Variants in SUMF1 observed in about 807,000 individuals in gnomAD.
SUMF1 encodes formylglycine-generating enzyme.
SUMF1 carries 48 observed loss-of-function variants against 47.6 expected under a neutral mutation model. That is an observed-to-expected ratio of 1.01 (90% CI 0.80 to 1.28). The LOEUF (loss-of-function observed/expected upper bound fraction) is 1.28, where lower values mean the gene tolerates loss of function less well. Among genes scored for constraint, SUMF1 ranks in the 50% most tolerant of loss-of-function variants. The probability of loss-of-function intolerance (pLI) is 0.00; values close to 1 mark genes in which losing one functional copy is unlikely to be tolerated. For synonymous variants in SUMF1, 230 were observed against 192.1 expected (o/e 1.20, Z -1.63); for missense variants, 571 against 485.4 (o/e 1.18, Z -1.66).
intron 8 of SUMF1, among the ~76,000 whole-genome samples, chr3:4,168,909 T>C (rs923974161): frequency 1.3e-5 from 2 of 152,198 alleles, no homozygotes; most frequent in Admixed American, 6.5e-5. Context: ...CTTCCACTAA[T>C]TGAGCACATG....
At chr3:4,428,679 G>T (rs115133182) in intron 3 of SUMF1, among the ~76,000 whole-genome samples, 15 of 151,182 alleles carry the variant, frequency 9.9e-5, no homozygotes, top group East Asian at 5.9e-4. Context: ...TGTCTGAAAC[G>T]TCTACAGCGA....
chr3:4,220,015 C>T (rs1696026014), intron 8 of SUMF1, among the ~76,000 whole-genome samples: 1 of 152,108 alleles, frequency 6.6e-6, no homozygotes, highest in Admixed American at 6.6e-5. Flanking sequence ...GAGATTACTG[C>T]AGTAGCCCAA....
intron 8 of SUMF1, among the ~76,000 whole-genome samples, chr3:4,342,458 A>C (rs794202): frequency 0.59 from 89,680 of 152,088 alleles, 26,627 homozygotes; most frequent in South Asian, 0.7. Context: ...GCTTGAACCC[A>C]GAAGACAAAG....
chr3:4,251,841 C>T (rs1418452576), intron 8 of SUMF1, among the ~76,000 whole-genome samples: 4 of 152,128 alleles, frequency 2.6e-5, no homozygotes, highest in Non-Finnish European at 5.9e-5. Context: ...ACTGAAGGCT[C>T]AGTTAATTAT....
intron 3 of SUMF1, among the ~76,000 whole-genome samples, chr3:4,443,383 T>C (rs1162513073): frequency 6.6e-6 from 1 of 151,880 alleles, no homozygotes; most frequent in Admixed American, 6.6e-5. Context: ...AGAAGTCAAG[T>C]AGCAACTAGA....
chr3:4,453,770 G>A (rs1703060647), intron 1 of SUMF1, among the ~76,000 whole-genome samples: 1 of 151,930 alleles, frequency 6.6e-6, no homozygotes, highest in Non-Finnish European at 1.5e-5. Flanking sequence ...CTGACCTCAG[G>A]TGATCCACCC....
chr3:4,173,361 G>A (rs577480545), intron 8 of SUMF1, among the ~76,000 whole-genome samples: 9 of 152,224 alleles, frequency 5.9e-5, no homozygotes, highest in South Asian at 4.2e-4. Context: ...AATGGTGATC[G>A]TTAAAATGTC....
intron 8 of SUMF1, among the ~76,000 whole-genome samples, chr3:4,132,632 C>G (rs1262631458): frequency 6.6e-6 from 1 of 152,062 alleles, no homozygotes; most frequent in African/African-American, 2.4e-5. Flanking sequence ...GCCTAGACGT[C>G]TTAGTTCCTG....
intron 8 of SUMF1, among the ~76,000 whole-genome samples, chr3:4,286,601 A>G (rs1392686442): frequency 6.6e-6 from 1 of 152,162 alleles, no homozygotes; most frequent in Non-Finnish European, 1.5e-5. Flanking sequence ...TGTTCTGTTA[A>G]AGCCCATGAT....
chr3:4,253,774 C>G (rs1442288832), intron 8 of SUMF1, among the ~76,000 whole-genome samples: 1 of 146,060 alleles, frequency 6.8e-6, no homozygotes, highest in Non-Finnish European at 1.5e-5. Flanking sequence ...CTCAAGGAGG[C>G]CTGCCTGCCT....
At chr3:4,392,617 A>ATATATATATATATATATATATCTACC (rs1559268922) in intron 7 of SUMF1, among the ~76,000 whole-genome samples, 2 of 27,098 alleles carry the variant, frequency 7.4e-5, no homozygotes, top group Non-Finnish European at 3.0e-4. Context: ...GTGTGTGTGT[A>ATATATATATATATATATATATCTACC]TATATATATA....
At chr3:4,360,998 A>C (rs1471395719), downstream of SUMF1, 1 of 152,232 alleles carries the variant, frequency 6.6e-6, no homozygotes, top group Admixed American at 6.5e-5. Flanking sequence ...TGGAACAAAA[A>C]TTCCCACAAA....
intron 8 of SUMF1, among the ~76,000 whole-genome samples, chr3:4,369,183 T>C (rs1700090392): frequency 1.3e-5 from 2 of 152,200 alleles, no homozygotes; most frequent in Admixed American, 1.3e-4. Context: ...GTGCTTTGTC[T>C]TCTATAGATA....
Position 4,456,960 on chromosome 3 carries a change from G to GTACATATATACGTGTGTGTA in SUMF1, c.271-3912_271-3911insTACACACACGTATATATGTA, listed in dbSNP as rs2079657603. On this transcript the variant is annotated intron_variant, in intron 1 of 8. Coordinates refer to ENST00000272902, the MANE Select transcript of SUMF1 (RefSeq NM_182760.4). ...CGTGTGTGTACATATATACGTGTGT[G>GTACATATATACGTGTGTGTA]TATATATATACGTGTGTGTATATAT... Among the ~76,000 whole-genome samples, 6 of 80,874 alleles carry GTACATATATACGTGTGTGTA rather than the reference G, an allele frequency of 7.4e-5. No homozygotes were observed. The South Asian group carries it at 1.2e-3, about 17-fold the overall frequency. 53.1% of individuals were successfully genotyped at this position (80,874 alleles called of 152,430 possible).
In SUMF1 at chr3:4,095,167, T is replaced by C. The variant is rs148177495; in HGVS notation, c.1015-26422A>G. On this transcript the variant is annotated intron_variant and NMD_transcript_variant, in intron 8 of 12. Transcript: ENST00000448413. ...TAATGTCTTGGCTTGTTCAAAGGAA[T>C]AATGAAATTTTTAAAAAATGATTTT... Among the ~76,000 whole-genome samples the C allele has an allele frequency of 1.6e-3, 249 of 152,194 alleles. 3 individuals carry two copies. Among genetic ancestry groups the C allele is most frequent in the African/African-American group, 5.6e-3 (232 of 41,510 alleles).
chr3:4,321,926 TA>T (rs1259635705), intron 8 of SUMF1, among the ~76,000 whole-genome samples: 1 of 152,104 alleles, frequency 6.6e-6, no homozygotes, highest in Non-Finnish European at 1.5e-5. Context: ...TGAACAGTCA[TA>T]AATCATGTTG....
At chr3:4,262,081 C>A (rs903607351) in intron 8 of SUMF1, among the ~76,000 whole-genome samples, 9 of 152,156 alleles carry the variant, frequency 5.9e-5, no homozygotes, top group Non-Finnish European at 1.0e-4. Flanking sequence ...GCACTCAGAG[C>A]TGCTATAAGC....
At chr3:4,190,063 A>G (rs1326133474) in intron 8 of SUMF1, among the ~76,000 whole-genome samples, 1 of 152,142 alleles carries the variant, frequency 6.6e-6, no homozygotes, top group Non-Finnish European at 1.5e-5. Context: ...GATATCTATA[A>G]AGACTTTTAG....
intron 8 of SUMF1, among the ~76,000 whole-genome samples, chr3:4,273,654 G>T (rs1378728730): frequency 7.9e-5 from 11 of 138,370 alleles, no homozygotes; most frequent in African/African-American, 3.0e-4. Flanking sequence ...TTTACATTAA[G>T]TAAATTATAC....
Sources: gnomAD v4.1 joint callset for allele counts (sites outside exome capture counted in the v4.1 genomes callset) on GRCh38, gnomAD v4.1.1 for gene constraint, MANE v1.5 for transcripts, NCBI Gene and HGNC (gene_info 2026-07-23, HGNC 2026-07-21) for gene names.